MPDZ: variants seen among roughly 807,000 people sequenced by gnomAD.
MPDZ encodes multiple PDZ domain protein.
Under a neutral mutation model 239.1 loss-of-function variants are expected in MPDZ, and 234 were observed. The observed-to-expected ratio is 0.98, with a 90% confidence interval of 0.88 to 1.09. The LOEUF (loss-of-function observed/expected upper bound fraction) is 1.09, where lower values mean the gene tolerates loss of function less well. MPDZ is among the 50% of genes least tolerant of loss of function. The pLI is 0.00. For synonymous variants in MPDZ, 1,048 were observed against 881.3 expected (o/e 1.19, Z -3.35); for missense variants, 3,175 against 2,510.0 (o/e 1.26, Z -5.66).
chr9:13,175,655 T>C (rs768373153), intron 21 of MPDZ, 97 bp downstream of exon 21: 1 of 1,272,864 alleles, frequency 7.9e-7, no homozygotes, highest in Non-Finnish European at 1.1e-6. Flanking sequence ...ATCTGTTCTC[T>C]TATCTACAGC....
chr9:13,184,266 G>A (rs1263689714), intron 18 of MPDZ, among the ~76,000 whole-genome samples: 2 of 151,930 alleles, frequency 1.3e-5, no homozygotes, highest in Non-Finnish European at 2.9e-5. Context: ...ACAGAATCAA[G>A]ATTAATATTT....
At position 13,107,098 on chromosome 9, in the gene MPDZ, T is replaced by A. The variant is rs1554637141; in HGVS notation, c.6080A>T (p.Glu2027Val). 6.3e-7 allele frequency: 1 copy of A among 1,575,648 alleles called. No homozygotes were observed. The highest frequency in any genetic ancestry group is 8.7e-7 in the Non-Finnish European group (1 of 1,150,850). The change falls in exon 47 of 47, where the codon GAA (glutamate) becomes GTA (valine). Residue 2027 changes from glutamate (E) to valine (V), a missense_variant. Transcript: ENST00000319217. Reference sequence around the variant, plus strand: ...ATCGCCCCTTTTCAGACGTCCGTCTTCAGAGGCTGCTCCCTGCAAATTATA... The same window carrying A: ...ATCGCCCCTTTTCAGACGTCCGTCTACAGAGGCTGCTCCCTGCAAATTATA... ...KTVFAKGAAS[E>V]DGRLKRGDQI...
chr9:13,262,611 AT>A (rs1396026601), intron 1 of MPDZ, among the ~76,000 whole-genome samples: 2 of 152,062 alleles, frequency 1.3e-5, no homozygotes, highest in Non-Finnish European at 2.9e-5. Flanking sequence ...ATACACCAAG[AT>A]GAAAAAAAGA....
chr9:13,128,868 C>T (rs1404606591), intron 32 of MPDZ, among the ~76,000 whole-genome samples: 1 of 152,112 alleles, frequency 6.6e-6, no homozygotes, highest in African/African-American at 2.4e-5. Context: ...GAAAGACAAG[C>T]CTTGGGATAA....
At chr9:13,160,871 A>ATATAT (rs1950401710) in intron 23 of MPDZ, among the ~76,000 whole-genome samples, 3 of 25,616 alleles carry the variant, frequency 1.2e-4, no homozygotes, top group Non-Finnish European at 2.8e-4. Context: ...TATATATATA[A>ATATAT]AACAGGTACT....
rs143704506 is a variant in MPDZ, at chr9:13,143,937, A to T, written c.3742-373T>A. 6.6e-5 allele frequency among the ~76,000 whole-genome samples: 10 copies of T among 152,148 alleles called. No individual in the cohort carries two copies. The East Asian group carries it at 7.7e-4, about 12-fold the overall frequency. On this transcript the variant is annotated intron_variant, in intron 26 of 46. Coordinates refer to ENST00000319217, the MANE Select transcript of MPDZ (RefSeq NM_001378778.1). ...ACATGTTCAAAATTAAAACCACAAA[A>T]TTTTTTATCTACATCTAAAAGCTAA... is the stretch of plus-strand genomic sequence containing the variant.
chr9:13,279,242 G>A (rs1360165036), intron 1 of MPDZ, 158 bp downstream of exon 1: 1 of 86,072 alleles, frequency 1.2e-5, no homozygotes, highest in Non-Finnish European at 2.4e-5. Flanking sequence ...ACGGCCCGCC[G>A]CCACCCCTAC....
rs1967605344 is a variant in MPDZ at position 13,250,338 on chromosome 9, T to A, written c.-23A>T. ...CATTTTTTTCAAAGTTCAGTGTTCT[T>A]CTCTGAAATGATTAACAGCAATTAA... On this transcript the variant is annotated 5_prime_UTR_variant, in exon 2 of 47. Transcript: ENST00000319217. 1.3e-6 allele frequency: 2 copies of A among 1,578,452 alleles called. No individual in the cohort carries two copies. Among genetic ancestry groups the A allele is most frequent in the Admixed American group, 1.8e-5 (1 of 55,268 alleles).
rs984620603 is a variant in MPDZ, at chr9:13,109,065, G to A, written c.5943-6C>T. Reference sequence around the variant, plus strand: ...TAGACTTACATTGAGGAGGTCTACGGTGAAGGAAAGGAAAAAGAGGTTTTA... The same window carrying A: ...TAGACTTACATTGAGGAGGTCTACGATGAAGGAAAGGAAAAAGAGGTTTTA... On this transcript the variant is annotated splice_region_variant and splice_polypyrimidine_tract_variant and intron_variant, in intron 45 of 46. Transcript: ENST00000319217. 1.4e-6 allele frequency: 2 copies of A among 1,399,666 alleles called. No individual in the cohort carries two copies. Among genetic ancestry groups the A allele is most frequent in the Non-Finnish European group, 1.9e-6 (2 of 1,072,848 alleles). The allele number at this position is 1,399,666 out of a possible 1,614,324, so 86.7% of individuals were successfully genotyped here. A position where few individuals can be genotyped will look rare whatever the true frequency, so the allele number is the denominator to read the frequency against.
chr9:13,204,009 T>C (rs1956709672), intron 12 of MPDZ, among the ~76,000 whole-genome samples: 1 of 152,186 alleles, frequency 6.6e-6, no homozygotes, highest in Non-Finnish European at 1.5e-5. Flanking sequence ...GTGAACTCTA[T>C]AGATCTAACT....
In MPDZ at chr9:13,143,511, G is replaced by A. The variant is rs1218347846; in HGVS notation, c.3795C>T (p.Ser1265=). 1 of 1,613,134 alleles carries A rather than the reference G, an allele frequency of 6.2e-7. No individual in the cohort carries two copies. Among genetic ancestry groups the A allele is most frequent in the Non-Finnish European group, 8.5e-7 (1 of 1,179,236 alleles). Residue 1265 remains serine (S), a synonymous_variant, in exon 27 of 47, where the codon AGC becomes AGT. Coordinates refer to ENST00000319217, the MANE Select transcript of MPDZ (RefSeq NM_001378778.1). ...GAGAGTCAGCAAATGGGTTAGTGCT[G>A]CTGAAGTTGTACTTAGGGTAAAGGT... The part of the protein sequence containing the change: ...LHNLYPKYNF[S]STNPFADSLQ...
At chr9:13,196,791 G>C (rs1955709041) in intron 12 of MPDZ, among the ~76,000 whole-genome samples, 1 of 151,718 alleles carries the variant, frequency 6.6e-6, no homozygotes, top group South Asian at 2.1e-4. Context: ...TTTTTAAAAG[G>C]ACAGAAAAAC....
At chr9:13,110,510 A>G (rs934243922) in intron 44 of MPDZ, 126 bp downstream of exon 44, 4 of 715,164 alleles carry the variant, frequency 5.6e-6, no homozygotes, top group Non-Finnish European at 7.1e-6. Context: ...TTAATCATTT[A>G]TGTTCAAGAG....
At chr9:13,233,109 T>G (rs1215521898) in intron 3 of MPDZ, among the ~76,000 whole-genome samples, 1 of 152,174 alleles carries the variant, frequency 6.6e-6, no homozygotes. Flanking sequence ...GTGAGAGAGT[T>G]GGACTTATAA....
intron 3 of MPDZ, among the ~76,000 whole-genome samples, chr9:13,226,355 G>A (rs1036369961): frequency 1.3e-5 from 2 of 152,060 alleles, no homozygotes; most frequent in African/African-American, 2.4e-5. Context: ...TATGTTGGGT[G>A]CCTGGATTGT....
chr9:13,182,595 C>A (rs1953502825), intron 19 of MPDZ, among the ~76,000 whole-genome samples: 1 of 151,898 alleles, frequency 6.6e-6, no homozygotes, highest in Non-Finnish European at 1.5e-5. Flanking sequence ...AAATGAGCAA[C>A]CCAATACAAA....
intron 4 of MPDZ, 46 bp from the exon 5 acceptor site, chr9:13,223,756 G>A (rs1345516241): frequency 1.1e-5 from 17 of 1,530,788 alleles, no homozygotes; most frequent in Non-Finnish European, 1.4e-5. Context: ...GCCAGGCCAT[G>A]CATGGTGGTT....
chr9:13,209,699 C>A (rs1957391058), intron 10 of MPDZ, among the ~76,000 whole-genome samples: 1 of 151,988 alleles, frequency 6.6e-6, no homozygotes, highest in Non-Finnish European at 1.5e-5. Context: ...CAAAATAGTT[C>A]ACATTTCCTT....
Position 13,119,660 on chromosome 9 carries a change from T to C in MPDZ, c.5232-11A>G, listed in dbSNP as rs758632168. 3.7e-6 allele frequency: 6 copies of C among 1,613,796 alleles called. No homozygotes were observed. Among genetic ancestry groups the C allele is most frequent in the Admixed American group, 1.7e-5 (1 of 60,012 alleles). The stretch of plus-strand genomic sequence containing the variant: ...ACTCCAGTATCGTTTCTACACACAA[T>C]TTTGAATTTCAACATTATCTTTTGC... On this transcript the variant is annotated splice_polypyrimidine_tract_variant and intron_variant, in intron 38 of 46. Coordinates refer to ENST00000319217, the MANE Select transcript of MPDZ (RefSeq NM_001378778.1).
Sources: allele counts gnomAD v4.1 joint callset (sites outside exome capture counted in the v4.1 genomes callset), GRCh38; gene constraint gnomAD v4.1.1; transcripts MANE v1.5; gene names NCBI Gene and HGNC (gene_info 2026-07-23, HGNC 2026-07-21).